APP: variants seen among roughly 807,000 people sequenced by gnomAD.
APP encodes amyloid-beta precursor protein.
APP carries 31 observed loss-of-function variants against 101.4 expected under a neutral mutation model. The ratio of observed to expected loss-of-function variants is 0.31; its 90% CI spans 0.23 to 0.41. The LOEUF is 0.41. Among genes scored for constraint, APP ranks in the 10% least tolerant of loss-of-function variants. The probability of loss-of-function intolerance (pLI) is 1.00; values close to 1 mark genes in which losing one functional copy is unlikely to be tolerated. For synonymous variants in APP, 366 were observed against 364.4 expected, an observed-to-expected ratio of 1.00 and a Z score of -0.05; for missense variants, 839 against 1,003.7, an observed-to-expected ratio of 0.84 and a Z score of 2.22.
intron 5 of APP, among the ~76,000 whole-genome samples, chr21:26,025,538 C>A (rs1388433522): frequency 6.6e-6 from 1 of 152,194 alleles, no homozygotes; most frequent in African/African-American, 2.4e-5. Flanking sequence ...CCCTGGGTAT[C>A]CCCAGGTTCC....
intron 9 of APP, among the ~76,000 whole-genome samples, chr21:25,977,434 T>G (rs2042264454): frequency 6.6e-6 from 1 of 152,214 alleles, no homozygotes. Context: ...AAGAGCCTGT[T>G]TTTTGTAGGT....
At chr21:25,910,027 T>C (rs907008225) in intron 14 of APP, among the ~76,000 whole-genome samples, 8 of 152,202 alleles carry the variant, frequency 5.3e-5, no homozygotes, top group Admixed American at 4.6e-4. Flanking sequence ...TTTTCTGCAA[T>C]GGTTCTTTAG....
At chr21:25,906,477 T>C (rs2038796339) in intron 14 of APP, among the ~76,000 whole-genome samples, 1 of 152,268 alleles carries the variant, frequency 6.6e-6, no homozygotes, top group Non-Finnish European at 1.5e-5. Context: ...TAAAGCCTGT[T>C]TGAGACCCTA....
At chr21:26,036,725 A>G (rs947553807) in intron 5 of APP, among the ~76,000 whole-genome samples, 1 of 152,228 alleles carries the variant, frequency 6.6e-6, no homozygotes, top group African/African-American at 2.4e-5. Context: ...CCCAAATGGA[A>G]GGAAGGTAAA....
intron 11 of APP, 80 bp downstream of exon 11, chr21:25,974,990 A>C: frequency 6.3e-7 from 1 of 1,582,506 alleles, no homozygotes; most frequent in Non-Finnish European, 8.6e-7. Flanking sequence ...TTCTTTTTGT[A>C]TGGCTTCCAG....
chr21:25,963,295 C>T (rs1435398742), intron 11 of APP, among the ~76,000 whole-genome samples: 1 of 152,164 alleles, frequency 6.6e-6, no homozygotes, highest in Non-Finnish European at 1.5e-5. Context: ...TGACAGTTCA[C>T]GTGGGAAGTG....
intron 13 of APP, chr21:25,933,848 T>A (rs1362149973): frequency 1.3e-5 from 2 of 152,206 alleles, no homozygotes; most frequent in Non-Finnish European, 2.9e-5. Flanking sequence ...GTTCTTAGAT[T>A]TAAATTTGAT....
rs17001747 is a variant in APP at position 26,161,488 on chromosome 21, C to T, written c.57+9076G>A. Among the ~76,000 whole-genome samples, 919 of 152,210 alleles carry T rather than the reference C, an allele frequency of 6.0e-3. 31 individuals carry two copies. The highest frequency in any genetic ancestry group is 0.042 in the Admixed American group (640 of 15,294). The stretch of plus-strand genomic sequence containing the variant: ...TCTACCCTCTTGGGGGCAAGGACCT[C>T]GAAAATATTTGTGAAATGAAGGAGT... On this transcript the variant is annotated intron_variant, in intron 1 of 17. Transcript: ENST00000346798.
intron 4 of APP, 132 bp from the exon 5 acceptor site, chr21:26,051,325 C>T: frequency 3.0e-6 from 3 of 993,162 alleles, no homozygotes; most frequent in Admixed American, 2.0e-5. Context: ...AGATTATTTG[C>T]TTTTTGAGTG....
intron 6 of APP, among the ~76,000 whole-genome samples, chr21:26,008,274 C>T (rs2043626043): frequency 6.6e-6 from 1 of 152,164 alleles, no homozygotes. Flanking sequence ...AATCAGGACT[C>T]CCGTGACGGT....
intron 11 of APP, among the ~76,000 whole-genome samples, chr21:25,961,442 T>C (rs1027846384): frequency 1.2e-4 from 18 of 152,184 alleles, no homozygotes; most frequent in Admixed American, 3.3e-4. Context: ...TGGGTTCACA[T>C]AGATAACAGT....
At chr21:25,901,833 C>CA (rs1555891795) in intron 15 of APP, among the ~76,000 whole-genome samples, 4 of 152,154 alleles carry the variant, frequency 2.6e-5, no homozygotes, top group Non-Finnish European at 5.9e-5. Flanking sequence ...TTGCATGGCT[C>CA]GGGTCAAGGA....
intron 1 of APP, among the ~76,000 whole-genome samples, chr21:26,153,300 T>C (rs1406023420): frequency 1.3e-5 from 2 of 152,134 alleles, no homozygotes; most frequent in Non-Finnish European, 2.9e-5. Context: ...GAAATAAAAA[T>C]TATTCTCTCA....
intron 6 of APP, among the ~76,000 whole-genome samples, chr21:26,016,951 CGGGGGGTG>C (rs2044107443): frequency 5.4e-5 from 1 of 18,444 alleles, no homozygotes; most frequent in African/African-American, 1.7e-4. Context: ...GGGCGGGGGG[CGGGGGGTG>C]CCGCCAAGGT....
chr21:26,138,021 C>G (rs1162243789), intron 1 of APP, among the ~76,000 whole-genome samples: 1 of 152,052 alleles, frequency 6.6e-6, no homozygotes, highest in Non-Finnish European at 1.5e-5. Flanking sequence ...TCAGAAAATC[C>G]TTATGTGATT....
chr21:26,170,526 G>A (rs202101028), intron 1 of APP, 38 bp downstream of exon 1: 29 of 1,534,000 alleles, frequency 1.9e-5, no homozygotes, highest in Non-Finnish European at 2.4e-5. Context: ...CGTCCCCACC[G>A]TGCAGCCTCC....
chr21:25,990,653 A>C (rs1338774014), intron 8 of APP, among the ~76,000 whole-genome samples: 1 of 152,232 alleles, frequency 6.6e-6, no homozygotes, highest in Non-Finnish European at 1.5e-5. Flanking sequence ...TGGTACAGTT[A>C]ACCTCTATGG....
chr21:25,886,459 T>C lies in APP; in HGVS notation c.2212-4688A>G, dbSNP rs111865279. Among the ~76,000 whole-genome samples the C allele has an allele frequency of 8.7e-3, 1,322 of 152,172 alleles. 16 individuals carry two copies. Among genetic ancestry groups the C allele is most frequent in the African/African-American group, 0.03 (1,231 of 41,516 alleles). ...CCCAGGCTGGAGTGCAGTGGCGTGATTTTGGCTCACTGCAGCCTCCATCTC... is the reference window on the plus strand; with the variant it reads ...CCCAGGCTGGAGTGCAGTGGCGTGACTTTGGCTCACTGCAGCCTCCATCTC... On this transcript the variant is annotated intron_variant, in intron 17 of 17. Transcript: ENST00000346798.
Position 26,067,895 on chromosome 21 carries a change from T to C in APP, c.356-14547A>G, listed in dbSNP as rs578185185. On this transcript the variant is annotated intron_variant, in intron 3 of 17. Transcript: ENST00000346798. Reference sequence around the variant, plus strand: ...CTCACTGGTTGCTTTCTCCTAACACTTTCCTTTCTTTCTGCCTTATTTAAA... The same window carrying C: ...CTCACTGGTTGCTTTCTCCTAACACCTTCCTTTCTTTCTGCCTTATTTAAA... Among the ~76,000 whole-genome samples, 14 of 151,548 alleles carry C rather than the reference T, an allele frequency of 9.2e-5. No individual in the cohort carries two copies. In the South Asian group the frequency reaches 2.9e-3, roughly 32 times the overall value.
Sources: gnomAD v4.1 joint callset for allele counts (sites outside exome capture counted in the v4.1 genomes callset) on GRCh38, gnomAD v4.1.1 for gene constraint, MANE v1.5 for transcripts, NCBI Gene and HGNC (gene_info 2026-07-23, HGNC 2026-07-21) for gene names.